The following NAALADL2 variants were observed in gnomAD, a reference collection of about 807,000 sequenced individuals.
NAALADL2 encodes inactive N-acetylated-alpha-linked acidic dipeptidase-like protein 2.
In NAALADL2, 76 loss-of-function variants were observed where a neutral mutation model predicts 87.2. That is an observed-to-expected ratio of 0.87 (90% CI 0.72 to 1.05). The LOEUF is 1.05. Ranked by LOEUF, NAALADL2 falls within the 50% of genes least tolerant of loss-of-function variation. The pLI is 0.00. For synonymous variants in NAALADL2, 354 were observed against 331.0 expected, an observed-to-expected ratio of 1.07 and a Z score of -0.75; for missense variants, 1,089 against 945.8, an observed-to-expected ratio of 1.15 and a Z score of -1.99.
chr3:175,667,215 G>T (rs1410737639), intron 11 of NAALADL2, among the ~76,000 whole-genome samples: 17 of 122,452 alleles, frequency 1.4e-4, no homozygotes, highest in African/African-American at 7.8e-4. Context: ...AAGAAAGAAA[G>T]AAAGAAAGAA....
intron 13 of NAALADL2, among the ~76,000 whole-genome samples, chr3:175,763,742 T>G (rs1366636720): frequency 6.6e-6 from 1 of 152,152 alleles, no homozygotes; most frequent in African/African-American, 2.4e-5. Flanking sequence ...AGAGGGCACA[T>G]CTCCATAAAA....
At chr3:175,072,517 G>T (rs1437635082) in intron 1 of NAALADL2, among the ~76,000 whole-genome samples, 1 of 151,530 alleles carries the variant, frequency 6.6e-6, no homozygotes. Flanking sequence ...TCCCTCTCTT[G>T]ATTCTATATC....
chr3:175,328,119 T>G (rs952833437), intron 5 of NAALADL2, among the ~76,000 whole-genome samples: 1 of 152,192 alleles, frequency 6.6e-6, no homozygotes, highest in Non-Finnish European at 1.5e-5. Context: ...AGCTAGACAG[T>G]GCAAACTTGT....
intron 11 of NAALADL2, among the ~76,000 whole-genome samples, chr3:175,635,462 G>T (rs374652869): frequency 8.6e-4 from 131 of 152,182 alleles, no homozygotes; most frequent in African/African-American, 2.7e-3. Context: ...ACATGTATTT[G>T]TTACAGAATC....
intron 1 of NAALADL2, among the ~76,000 whole-genome samples, chr3:174,885,364 A>G (rs1729959766): frequency 6.6e-6 from 1 of 152,098 alleles, no homozygotes; most frequent in Admixed American, 6.5e-5. Context: ...AAGCCGGGAG[A>G]AGAATCGCTG....
intron 11 of NAALADL2, chr3:175,718,107 G>C: frequency 1.3e-6 from 1 of 783,814 alleles, no homozygotes; most frequent in Admixed American, 3.3e-5. Flanking sequence ...CCAGTACTTT[G>C]AGGTCTACAA....
intron 9 of NAALADL2, among the ~76,000 whole-genome samples, chr3:175,546,151 C>T (rs1027003429): frequency 2.0e-5 from 3 of 152,228 alleles, no homozygotes; most frequent in Middle Eastern, 3.4e-3. Flanking sequence ...GAAAAGACTT[C>T]ATTGTCTTTT....
intron 2 of NAALADL2, among the ~76,000 whole-genome samples, chr3:175,213,887 A>G (rs969121845): frequency 6.6e-6 from 1 of 152,104 alleles, no homozygotes; most frequent in Non-Finnish European, 1.5e-5. Context: ...CCCTTCTCAT[A>G]TGACATGGGA....
intron 9 of NAALADL2, among the ~76,000 whole-genome samples, chr3:175,478,790 T>A (rs1240622717): frequency 6.6e-6 from 1 of 151,846 alleles, no homozygotes; most frequent in Non-Finnish European, 1.5e-5. Flanking sequence ...TGTTGGGAGG[T>A]TAGATAAAAT....
intron 3 of NAALADL2, among the ~76,000 whole-genome samples, chr3:175,247,576 G>A (rs928792362): frequency 3.7e-5 from 2 of 54,288 alleles, no homozygotes; most frequent in South Asian, 8.0e-4. Flanking sequence ...ACTCCAGCTA[G>A]TCGCTGGTAG....
intron 7 of NAALADL2, among the ~76,000 whole-genome samples, chr3:175,465,211 C>T (rs1723798533): frequency 1.4e-5 from 2 of 146,118 alleles, no homozygotes; most frequent in African/African-American, 5.1e-5. Flanking sequence ...GAGATCACGC[C>T]ACTGCACTCC....
chr3:174,875,112 C>CA (rs10547300), intron 1 of NAALADL2, among the ~76,000 whole-genome samples: 3,171 of 41,524 alleles, frequency 0.076, 487 homozygotes, highest in East Asian at 0.26. Flanking sequence ...GACCCTGTCT[C>CA]AAAAAAAAAA....
chr3:175,658,966 A>G (rs1731889548), intron 11 of NAALADL2, among the ~76,000 whole-genome samples: 1 of 152,082 alleles, frequency 6.6e-6, no homozygotes, highest in Non-Finnish European at 1.5e-5. Context: ...TATATTCTGC[A>G]TTTTCTGCAT....
At chr3:175,641,800 G>A (rs964483848) in intron 11 of NAALADL2, among the ~76,000 whole-genome samples, 7 of 152,070 alleles carry the variant, frequency 4.6e-5, no homozygotes, top group African/African-American at 1.7e-4. Context: ...AATTAAGTAA[G>A]AAAGGAAGAA....
chr3:174,781,210 A>AT (rs1264650579), intron 3 of NAALADL2, among the ~76,000 whole-genome samples: 3 of 151,478 alleles, frequency 2.0e-5, no homozygotes, highest in African/African-American at 2.4e-5. Context: ...TGCCATTACC[A>AT]TTTTTTTCCT....
chr3:174,902,642 G>A (rs1366016690), intron 1 of NAALADL2, among the ~76,000 whole-genome samples: 1 of 152,078 alleles, frequency 6.6e-6, no homozygotes, highest in Admixed American at 6.5e-5. Context: ...GAATTTTCAA[G>A]GAGATATTAT....
intron 2 of NAALADL2, among the ~76,000 whole-genome samples, chr3:175,201,398 A>G (rs1740002625): frequency 6.6e-6 from 1 of 152,224 alleles, no homozygotes; most frequent in Non-Finnish European, 1.5e-5. Context: ...TTGATCTTCT[A>G]CAAGTTTATT....
intron 9 of NAALADL2, among the ~76,000 whole-genome samples, chr3:175,575,015 G>A (rs1718658097): frequency 1.3e-5 from 2 of 152,106 alleles, no homozygotes; most frequent in Non-Finnish European, 2.9e-5. Context: ...ATTTATTAAA[G>A]AAGACATTTT....
intron 5 of NAALADL2, among the ~76,000 whole-genome samples, chr3:175,397,699 T>G (rs1769989443): frequency 6.6e-6 from 1 of 152,164 alleles, no homozygotes; most frequent in South Asian, 2.1e-4. Context: ...GTACACCGTG[T>G]TTTATTTGTT....
Sources: gnomAD v4.1 joint callset for allele counts (sites outside exome capture counted in the v4.1 genomes callset) on GRCh38, gnomAD v4.1.1 for gene constraint, MANE v1.5 for transcripts, NCBI Gene and HGNC (gene_info 2026-07-23, HGNC 2026-07-21) for gene names.